The following CDH20 variants were observed in gnomAD, a reference collection of about 807,000 sequenced individuals.
CDH20 encodes cadherin 20, also known as cadherin-20.
Under a neutral mutation model 74.2 loss-of-function variants are expected in CDH20, and 29 were observed. The ratio of observed to expected loss-of-function variants is 0.39; its 90% CI spans 0.29 to 0.53. The LOEUF is 0.53. CDH20 is among the 20% of genes least tolerant of loss of function. CDH20 has a pLI of 0.69. For missense variants in CDH20, 988 were observed against 1,048.3 expected, an observed-to-expected ratio of 0.94 and a Z score of 0.79; for synonymous variants, 469 against 405.4, an observed-to-expected ratio of 1.16 and a Z score of -1.88.
At position 61,539,048 on chromosome 18, in the gene CDH20, T is replaced by C; in HGVS notation, c.1433T>C (p.Val478Ala). The change falls in exon 9 of 12, where the codon GTT becomes GCT. Residue 478 changes from valine to alanine, a missense_variant. This residue lies in a region of CDH20 where 613 missense variants were observed against 755.2 expected (regional missense o/e 0.81). Coordinates refer to ENST00000262717, the MANE Select transcript of CDH20 (RefSeq NM_031891.4). The stretch of plus-strand genomic sequence containing the variant: ...GACAATCCCTCCCAGGTTGGAAGTG[T>C]TCCTGTCACAATCAAAGTCTTAGAT... ...EMNNPSQVGS[V>A]PVTIKVLDVN... 1.9e-6 allele frequency: 3 copies of C among 1,614,106 alleles called. No individual in the cohort carries two copies. The highest frequency in any genetic ancestry group is 2.5e-6 in the Non-Finnish European group (3 of 1,179,984).
Position 61,555,032 on chromosome 18 carries a change from A to G in CDH20, c.*337A>G. ...AAGGCCTTTGTCACTTTTCCACCAC[A>G]GAAAGGCTCTGGCCTTGGATACAGA... On this transcript the variant is annotated 3_prime_UTR_variant, in exon 12 of 12. Coordinates refer to ENST00000262717, the MANE Select transcript of CDH20 (RefSeq NM_031891.4). The G allele has an allele frequency of 2.6e-6, 3 of 1,141,022 alleles. No individual in the cohort carries two copies. Among genetic ancestry groups the G allele is most frequent in the Non-Finnish European group, 3.2e-6 (3 of 926,722 alleles). The allele number at this position is 1,141,022 out of a possible 1,614,324, so 70.7% of individuals were successfully genotyped here. A position where few individuals can be genotyped will look rare whatever the true frequency, so the allele number is the denominator to read the frequency against.
At chr18:61,546,167 T>C (rs868399279) in intron 10 of CDH20, among the ~76,000 whole-genome samples, 3 of 152,332 alleles carry the variant, frequency 2.0e-5, no homozygotes, top group South Asian at 4.1e-4. Context: ...TTCATTCCGA[T>C]TCTAAAATAT....
chr18:61,345,437 G>C (rs908703214), intron 1 of CDH20, among the ~76,000 whole-genome samples: 1 of 152,144 alleles, frequency 6.6e-6, no homozygotes, highest in Admixed American at 6.5e-5. Context: ...AGTGACCAGG[G>C]TCATCTGCTG....
At chr18:61,357,418 A>C (rs1910530285) in intron 1 of CDH20, among the ~76,000 whole-genome samples, 1 of 152,128 alleles carries the variant, frequency 6.6e-6, no homozygotes, top group African/African-American at 2.4e-5. Flanking sequence ...CTCCTATAAC[A>C]AGTCTAGAGG....
chr18:61,400,199 TC>T (rs1209418344), intron 1 of CDH20, among the ~76,000 whole-genome samples: 1 of 152,176 alleles, frequency 6.6e-6, no homozygotes, highest in African/African-American at 2.4e-5. Flanking sequence ...TGACCTGTAG[TC>T]GCAGCCTCTT....
chr18:61,536,660 A>G (rs558532098), intron 8 of CDH20, 31 bp downstream of exon 8: 1 of 1,603,134 alleles, frequency 6.2e-7, no homozygotes, highest in African/African-American at 1.3e-5. Flanking sequence ...GTCTCCATGC[A>G]GTGACAAAAT....
At chr18:61,501,123 C>A (rs983927492) in intron 4 of CDH20, among the ~76,000 whole-genome samples, 1 of 152,084 alleles carries the variant, frequency 6.6e-6, no homozygotes, top group African/African-American at 2.4e-5. Flanking sequence ...TGGGATGTGG[C>A]CCCCAAAAGG....
intron 1 of CDH20, among the ~76,000 whole-genome samples, chr18:61,447,276 T>A (rs1446783034): frequency 1.3e-5 from 2 of 152,218 alleles, no homozygotes; most frequent in African/African-American, 4.8e-5. Context: ...TAGTTGGACA[T>A]ACAGCTATGT....
At chr18:61,418,553 C>CAAAA (rs36009749) in intron 1 of CDH20, among the ~76,000 whole-genome samples, 15 of 68,530 alleles carry the variant, frequency 2.2e-4, no homozygotes, top group Admixed American at 5.4e-4. Context: ...GACTCTGTCT[C>CAAAA]AAAAAAAAAA....
chr18:61,502,966 A>T lies in CDH20; in HGVS notation c.675A>T (p.Thr225=), dbSNP rs768393210. 4 of 1,611,172 alleles carry T rather than the reference A, an allele frequency of 2.5e-6. No individual in the cohort carries two copies. Among genetic ancestry groups the T allele is most frequent in the Non-Finnish European group, 3.4e-6 (4 of 1,179,056 alleles). ...SVDSKTGVIR[T]ALMNMDREAK... ...TCTATCCTCCAGGTGTAATTAGGAC[A>T]GCGCTCATGAACATGGACAGAGAAG... The change falls in exon 5 of 12, where the codon ACA becomes ACT. Residue 225 remains threonine (T), a synonymous_variant. Transcript: ENST00000262717.
At chr18:61,463,800 C>G (rs927977696) in intron 1 of CDH20, among the ~76,000 whole-genome samples, 15 of 152,136 alleles carry the variant, frequency 9.9e-5, no homozygotes, top group African/African-American at 3.6e-4. Flanking sequence ...GACGAAGATT[C>G]CAGGGCTCAG....
At chr18:61,508,340 A>C (rs1169581917) in intron 6 of CDH20, among the ~76,000 whole-genome samples, 1 of 152,220 alleles carries the variant, frequency 6.6e-6, no homozygotes, top group African/African-American at 2.4e-5. Flanking sequence ...TGGAGTTTAC[A>C]TTCTAGCAAG....
In CDH20 at chr18:61,443,686, C is replaced by T. The variant is rs191338253; in HGVS notation, c.-152-46716C>T. ...GTTCAGATGACATTTTTTTCCATAG[C>T]GAGATTTTCTTTTATAGAGGATGCA... On this transcript the variant is annotated intron_variant, in intron 1 of 11. Transcript: ENST00000262717. Among the ~76,000 whole-genome samples, 236 of 152,184 alleles carry T rather than the reference C, an allele frequency of 1.6e-3. 2 individuals are homozygous for T. Among genetic ancestry groups the T allele is most frequent in the Admixed American group, 6.7e-3 (103 of 15,286 alleles).
At chr18:61,477,975 C>T (rs1313741523) in intron 1 of CDH20, among the ~76,000 whole-genome samples, 1 of 152,066 alleles carries the variant, frequency 6.6e-6, no homozygotes, top group Non-Finnish European at 1.5e-5. Context: ...TCGAGATGAG[C>T]AGATCACTTG....
intron 1 of CDH20, among the ~76,000 whole-genome samples, chr18:61,481,295 C>T (rs964958757): frequency 2.0e-5 from 3 of 152,134 alleles, no homozygotes; most frequent in African/African-American, 7.2e-5. Flanking sequence ...GTTAAAAATA[C>T]ATATATATTT....
intron 1 of CDH20, among the ~76,000 whole-genome samples, chr18:61,363,110 C>A (rs1210277614): frequency 6.6e-6 from 1 of 151,978 alleles, no homozygotes; most frequent in Non-Finnish European, 1.5e-5. Context: ...TTAATATGCC[C>A]AGATCTGTGC....
intron 1 of CDH20, among the ~76,000 whole-genome samples, chr18:61,376,410 C>T (rs1911233904): frequency 6.6e-6 from 1 of 152,060 alleles, no homozygotes; most frequent in Non-Finnish European, 1.5e-5. Flanking sequence ...GTACTGTTCA[C>T]ATTATCTAAG....
At chr18:61,519,745 T>C (rs994037788) in intron 6 of CDH20, among the ~76,000 whole-genome samples, 7 of 151,042 alleles carry the variant, frequency 4.6e-5, no homozygotes, top group East Asian at 1.9e-4. Context: ...GGCATCATAA[T>C]GACAGGATCA....
intron 1 of CDH20, among the ~76,000 whole-genome samples, chr18:61,343,952 G>A (rs1444930766): frequency 6.6e-6 from 1 of 151,994 alleles, no homozygotes; most frequent in Non-Finnish European, 1.5e-5. Context: ...GCAGCCAGAG[G>A]GGAACGTGCA....
Sources: gnomAD v4.1 joint callset for allele counts (sites outside exome capture counted in the v4.1 genomes callset) on GRCh38, gnomAD v4.1.1 for gene constraint, gnomAD v4.1.1 regional missense constraint, MANE v1.5 for transcripts, NCBI Gene and HGNC (gene_info 2026-07-23, HGNC 2026-07-21) for gene names.